The following GRIN2A variants were observed in gnomAD, a reference collection of about 807,000 sequenced individuals.
GRIN2A encodes the protein glutamate receptor ionotropic, NMDA 2A.
GRIN2A carries 22 observed loss-of-function variants against 113.4 expected under a neutral mutation model. The ratio of observed to expected loss-of-function variants is 0.19; its 90% CI spans 0.14 to 0.28. The LOEUF is 0.28. Ranked by LOEUF, GRIN2A falls within the 10% of genes least tolerant of loss-of-function variation. The pLI, the probability that GRIN2A is intolerant of heterozygous loss-of-function variation, is 1.00. For missense variants in GRIN2A, 1,502 were observed against 1,887.0 expected, an observed-to-expected ratio of 0.80 and a Z score of 3.78; for synonymous variants, 827 against 738.4, an observed-to-expected ratio of 1.12 and a Z score of -1.94.
intron 2 of GRIN2A, among the ~76,000 whole-genome samples, chr16:10,109,188 G>A (rs969315526): frequency 6.6e-6 from 1 of 151,832 alleles, no homozygotes; most frequent in Non-Finnish European, 1.5e-5. Context: ...ACAAATTCCT[G>A]GAAAGATACA....
intron 4 of GRIN2A, among the ~76,000 whole-genome samples, chr16:9,888,964 T>C (rs951360012): frequency 6.6e-6 from 1 of 152,156 alleles, no homozygotes; most frequent in Non-Finnish European, 1.5e-5. Context: ...ATCCATGATG[T>C]ATTATCCTTT....
chr16:10,125,528 A>G (rs2048914918), intron 2 of GRIN2A, among the ~76,000 whole-genome samples: 1 of 151,928 alleles, frequency 6.6e-6, no homozygotes, highest in South Asian at 2.1e-4. Flanking sequence ...ACACAAATCT[A>G]AGACATGACA....
intron 2 of GRIN2A, among the ~76,000 whole-genome samples, chr16:10,150,026 A>T (rs1171019539): frequency 6.6e-6 from 1 of 152,242 alleles, no homozygotes; most frequent in Non-Finnish European, 1.5e-5. Flanking sequence ...CAGAAAATGG[A>T]AGCGAGGTGC....
intron 2 of GRIN2A, among the ~76,000 whole-genome samples, chr16:9,968,034 A>G (rs2045590053): frequency 6.6e-6 from 1 of 152,186 alleles, no homozygotes; most frequent in African/African-American, 2.4e-5. Flanking sequence ...CCCATCTATT[A>G]TCTCACGTAA....
chr16:10,106,436 A>T (rs1391854725), intron 2 of GRIN2A, among the ~76,000 whole-genome samples: 1 of 151,978 alleles, frequency 6.6e-6, no homozygotes, highest in Non-Finnish European at 1.5e-5. Flanking sequence ...ACAATAAATA[A>T]ATAAAAATAA....
chr16:10,007,550 GT>G (rs1437188673), intron 2 of GRIN2A, among the ~76,000 whole-genome samples: 3 of 152,286 alleles, frequency 2.0e-5, no homozygotes, highest in African/African-American at 7.2e-5. Flanking sequence ...CAGATGGATA[GT>G]TTTTAAATAT....
chr16:10,149,856 A>T (rs529101539), intron 2 of GRIN2A, among the ~76,000 whole-genome samples: 1 of 152,244 alleles, frequency 6.6e-6, no homozygotes, highest in African/African-American at 2.4e-5. Context: ...TTTCCATCAC[A>T]GTTGAAATAA....
At chr16:9,901,166 C>T (rs1347101037) in intron 3 of GRIN2A, among the ~76,000 whole-genome samples, 1 of 152,232 alleles carries the variant, frequency 6.6e-6, no homozygotes, top group East Asian at 1.9e-4. Flanking sequence ...ACCTAGAATA[C>T]TACCTGGTAT....
intron 11 of GRIN2A, among the ~76,000 whole-genome samples, chr16:9,786,334 T>C (rs1275648307): frequency 6.6e-6 from 1 of 152,156 alleles, no homozygotes; most frequent in Non-Finnish European, 1.5e-5. Flanking sequence ...GGTCCTTAGT[T>C]TTCCCCAAAC....
intron 2 of GRIN2A, among the ~76,000 whole-genome samples, chr16:10,022,818 T>C (rs2046750614): frequency 1.3e-5 from 2 of 152,212 alleles, no homozygotes; most frequent in African/African-American, 4.8e-5. Context: ...TTGAGTATTA[T>C]GCCAGCTCTT....
intron 2 of GRIN2A, among the ~76,000 whole-genome samples, chr16:9,985,864 AGGGTAAATGCTTGAGGTGAT>A (rs1469266019): frequency 6.6e-6 from 1 of 152,196 alleles, no homozygotes; most frequent in African/African-American, 2.4e-5. Context: ...ACACAAAGAA[AGGGTAAATGCTTGAGGTGAT>A]GGATACCCCA....
At position 9,875,627 on chromosome 16, in the gene GRIN2A, C is replaced by T. The variant is rs1423848375; in HGVS notation, c.1122+15359G>A. On this transcript the variant is annotated intron_variant, in intron 4 of 12. Coordinates refer to ENST00000330684, the MANE Select transcript of GRIN2A (RefSeq NM_001134407.3). ...GAGACAATGGAAAGAAAGTGAGAAGCAGGCCCAGACAGCAGCCACTGAGCT... is the reference window on the plus strand; with the variant it reads ...GAGACAATGGAAAGAAAGTGAGAAGTAGGCCCAGACAGCAGCCACTGAGCT... 7.9e-5 allele frequency among the ~76,000 whole-genome samples: 12 copies of T among 152,196 alleles called. 1 individual carries two copies. Among genetic ancestry groups the T allele is most frequent in the Admixed American group, 7.9e-4 (12 of 15,280 alleles).
At chr16:9,887,554 T>C (rs1349081702) in intron 4 of GRIN2A, among the ~76,000 whole-genome samples, 2 of 152,262 alleles carry the variant, frequency 1.3e-5, no homozygotes, top group Non-Finnish European at 2.9e-5. Context: ...TAATATACCA[T>C]AATTTGTTCA....
intron 2 of GRIN2A, among the ~76,000 whole-genome samples, chr16:9,975,523 G>A (rs2045758286): frequency 6.6e-6 from 1 of 152,202 alleles, no homozygotes; most frequent in Non-Finnish European, 1.5e-5. Flanking sequence ...TCCACAGACT[G>A]CAAATAAATG....
chr16:9,799,704 T>TTTC (rs1408574587), intron 10 of GRIN2A, among the ~76,000 whole-genome samples: 1 of 152,228 alleles, frequency 6.6e-6, no homozygotes, highest in Admixed American at 6.5e-5. Context: ...CACATATTGC[T>TTTC]TTCTTCTCTC....
At position 9,758,005 on chromosome 16, in the gene GRIN2A, A is replaced by C. The variant is rs906447932; in HGVS notation, c.*5144T>G. On this transcript the variant is annotated 3_prime_UTR_variant, in exon 13 of 13. Coordinates refer to ENST00000330684, the MANE Select transcript of GRIN2A (RefSeq NM_001134407.3). ...GTCAGCCCGGTCAGAGAATCGAGCC[A>C]GAAATTGAACCATGTCTTGGATCTA... The C allele has an allele frequency of 9.2e-6, 2 of 216,766 alleles. No individual in the cohort carries two copies. Among genetic ancestry groups the C allele is most frequent in the African/African-American group, 4.5e-5 (2 of 44,472 alleles). 13.4% of individuals were successfully genotyped at this position (216,766 alleles called of 1,614,324 possible).
At chr16:9,957,660 T>C (rs1235256083) in intron 2 of GRIN2A, among the ~76,000 whole-genome samples, 2 of 152,142 alleles carry the variant, frequency 1.3e-5, no homozygotes, top group South Asian at 2.1e-4. Flanking sequence ...TAATTAGCAA[T>C]AGGGCCAGAA....
At chr16:10,029,784 G>T (rs1257373503) in intron 2 of GRIN2A, among the ~76,000 whole-genome samples, 1 of 131,774 alleles carries the variant, frequency 7.6e-6, no homozygotes, top group Non-Finnish European at 1.7e-5. Flanking sequence ...ATCACCTGAG[G>T]TCTGGAGTTC....
intron 2 of GRIN2A, among the ~76,000 whole-genome samples, chr16:9,955,640 T>C (rs2045289021): frequency 6.6e-6 from 1 of 152,226 alleles, no homozygotes; most frequent in East Asian, 1.9e-4. Flanking sequence ...AAACAAATTG[T>C]CCAGAAAGGC....
Sources: gnomAD v4.1 joint callset for allele counts (sites outside exome capture counted in the v4.1 genomes callset) on GRCh38, gnomAD v4.1.1 for gene constraint, MANE v1.5 for transcripts, NCBI Gene and HGNC (gene_info 2026-07-23, HGNC 2026-07-21) for gene names.